The following NHSL1 variants were observed in gnomAD, a reference collection of about 807,000 sequenced individuals.
NHSL1 encodes the protein NHS like 1.
In NHSL1, 48 loss-of-function variants were observed where a neutral mutation model predicts 95.0. The ratio of observed to expected loss-of-function variants is 0.51; its 90% CI spans 0.40 to 0.64. NHSL1 has a LOEUF of 0.64. Among genes scored for constraint, NHSL1 ranks in the 30% least tolerant of loss-of-function variants. The pLI, the probability that NHSL1 is intolerant of heterozygous loss-of-function variation, is 0.00. For synonymous variants in NHSL1, 783 were observed against 833.9 expected, an observed-to-expected ratio of 0.94 and a Z score of 1.05; for missense variants, 1,971 against 2,077.7, an observed-to-expected ratio of 0.95 and a Z score of 1.00.
chr6:138,637,640 C>A (rs1471946530), intron 1 of NHSL1, among the ~76,000 whole-genome samples: 1 of 152,182 alleles, frequency 6.6e-6, no homozygotes, highest in Non-Finnish European at 1.5e-5. Flanking sequence ...CTCAACATCA[C>A]TGATCATCAG....
At chr6:138,580,928 A>G (rs1378963938) in intron 1 of NHSL1, among the ~76,000 whole-genome samples, 1 of 152,230 alleles carries the variant, frequency 6.6e-6, no homozygotes, top group Non-Finnish European at 1.5e-5. Flanking sequence ...CAAAGAGAGA[A>G]GCAGGGGGAG....
chr6:138,428,084 C>T (rs1775380954), intron 7 of NHSL1, among the ~76,000 whole-genome samples: 1 of 152,162 alleles, frequency 6.6e-6, no homozygotes, highest in Admixed American at 6.5e-5. Flanking sequence ...AGGCCTTTGG[C>T]ATATTTTTGG....
intron 1 of NHSL1, chr6:138,650,786 G>T (rs1348097987): frequency 7.4e-6 from 4 of 543,402 alleles, no homozygotes; most frequent in Non-Finnish European, 1.5e-5. Context: ...TATCACCCTT[G>T]TTGGAAACCT....
intron 1 of NHSL1, among the ~76,000 whole-genome samples, chr6:138,660,316 C>A (rs1785210328): frequency 6.6e-6 from 1 of 152,116 alleles, no homozygotes; most frequent in South Asian, 2.1e-4. Flanking sequence ...TTACTTGAAT[C>A]TAAGGTTGAC....
At chr6:138,654,303 A>C (rs927940532) in intron 1 of NHSL1, among the ~76,000 whole-genome samples, 39 of 152,204 alleles carry the variant, frequency 2.6e-4, no homozygotes, top group African/African-American at 8.7e-4. Context: ...TCAAGTGTTG[A>C]AAAGGATGTG....
intron 1 of NHSL1, chr6:138,650,816 G>C: frequency 1.8e-6 from 1 of 541,798 alleles, no homozygotes. Flanking sequence ...CATCTACAGG[G>C]AAAGCCTTCT....
chr6:138,638,046 C>T (rs1236307994), intron 1 of NHSL1, among the ~76,000 whole-genome samples: 2 of 152,098 alleles, frequency 1.3e-5, no homozygotes, highest in African/African-American at 4.8e-5. Context: ...GAATTAGATC[C>T]TGTCATTTAC....
At chr6:138,509,396 G>A (rs550780426) in intron 1 of NHSL1, among the ~76,000 whole-genome samples, 32 of 152,254 alleles carry the variant, frequency 2.1e-4, no homozygotes, top group African/African-American at 6.7e-4. Flanking sequence ...GAGCTCCCTC[G>A]TATTTTTAAA....
At chr6:138,668,796 G>C (rs1229328371) in intron 1 of NHSL1, among the ~76,000 whole-genome samples, 2 of 151,918 alleles carry the variant, frequency 1.3e-5, no homozygotes, top group Non-Finnish European at 2.9e-5. Flanking sequence ...GCTAATTTTT[G>C]TATTTTTAGC....
At chr6:138,521,040 A>T (rs189573416) in intron 1 of NHSL1, among the ~76,000 whole-genome samples, 115 of 152,298 alleles carry the variant, frequency 7.6e-4, no homozygotes, top group Non-Finnish European at 1.5e-3. Flanking sequence ...TATGCAAGGG[A>T]TTCCTCAAAA....
intron 3 of NHSL1, among the ~76,000 whole-genome samples, chr6:138,460,376 C>T (rs1777912462): frequency 1.4e-5 from 2 of 148,058 alleles, no homozygotes; most frequent in Non-Finnish European, 3.0e-5. Flanking sequence ...CCCTCTATAA[C>T]GTGGGGTTCT....
chr6:138,556,929 T>C (rs1783214508), intron 1 of NHSL1, among the ~76,000 whole-genome samples: 1 of 152,140 alleles, frequency 6.6e-6, no homozygotes, highest in Admixed American at 6.5e-5. Flanking sequence ...AAACTTGGTG[T>C]CTACATATCA....
chr6:138,458,755 G>A (rs1777794212), intron 3 of NHSL1, among the ~76,000 whole-genome samples: 2 of 150,590 alleles, frequency 1.3e-5, no homozygotes. Flanking sequence ...GAACCTGGGA[G>A]GTAGAGGTTG....
At chr6:138,588,528 A>G (rs1190904312) in intron 1 of NHSL1, among the ~76,000 whole-genome samples, 1 of 152,204 alleles carries the variant, frequency 6.6e-6, no homozygotes, top group Non-Finnish European at 1.5e-5. Flanking sequence ...ACTGAGGCTA[A>G]GTAAAGCCAT....
At chr6:138,648,113 T>C (rs182290684) in intron 1 of NHSL1, among the ~76,000 whole-genome samples, 25 of 152,294 alleles carry the variant, frequency 1.6e-4, no homozygotes, top group Non-Finnish European at 8.8e-5. Context: ...GATGAACCTA[T>C]TTTTATAGCT....
At chr6:138,469,084 T>C (rs1304774088) in intron 3 of NHSL1, among the ~76,000 whole-genome samples, 1 of 152,174 alleles carries the variant, frequency 6.6e-6, no homozygotes, top group Non-Finnish European at 1.5e-5. Flanking sequence ...CCACCACTGC[T>C]GGCTGTACAG....
At chr6:138,549,761 T>C (rs555425395), upstream of NHSL1, among the ~76,000 whole-genome samples, 3 of 152,316 alleles carry the variant, frequency 2.0e-5, no homozygotes, top group South Asian at 6.2e-4. Context: ...AACCTATTTT[T>C]TCCATACCCT....
chr6:138,500,437 C>T (rs546871561), upstream of NHSL1, among the ~76,000 whole-genome samples: 14 of 152,208 alleles, frequency 9.2e-5, no homozygotes, highest in South Asian at 8.3e-4. Flanking sequence ...AATATAGATC[C>T]GGAAATACTA....
intron 1 of NHSL1, among the ~76,000 whole-genome samples, chr6:138,507,057 G>T (rs2128296769): frequency 6.6e-6 from 1 of 152,146 alleles, no homozygotes; most frequent in Admixed American, 6.5e-5. Flanking sequence ...TTAGATATTT[G>T]AACCTTCTAT....
Sources: allele counts gnomAD v4.1 joint callset (sites outside exome capture counted in the v4.1 genomes callset), GRCh38; gene constraint gnomAD v4.1.1; transcripts MANE v1.5; gene names NCBI Gene and HGNC (gene_info 2026-07-23, HGNC 2026-07-21).